The following TRANK1 variants were observed in gnomAD, a reference collection of about 807,000 sequenced individuals.
TRANK1 encodes tetratricopeptide repeat and ankyrin repeat containing 1.
A neutral mutation model predicts 266.0 loss-of-function variants in TRANK1; 198 were observed. The observed-to-expected ratio is 0.74, with a 90% CI of 0.66 to 0.84. TRANK1 has a LOEUF of 0.84. Ranked by LOEUF, TRANK1 falls within the 40% of genes least tolerant of loss-of-function variation. The probability of loss-of-function intolerance (pLI) is 0.00; values close to 1 mark genes in which losing one functional copy is unlikely to be tolerated. For synonymous variants in TRANK1, 1,396 were observed against 1,384.1 expected (o/e 1.01, Z -0.19); for missense variants, 3,326 against 3,634.6 (o/e 0.92, Z 2.18).
At chr3:36,897,024 G>A (rs1456132462) in intron 4 of TRANK1, among the ~76,000 whole-genome samples, 2 of 151,836 alleles carry the variant, frequency 1.3e-5, no homozygotes, top group African/African-American at 2.4e-5. Context: ...CAGAGAAACC[G>A]GGGGCAGTGG....
At chr3:36,930,530 G>A (rs1035213637) in intron 1 of TRANK1, among the ~76,000 whole-genome samples, 2 of 152,136 alleles carry the variant, frequency 1.3e-5, no homozygotes, top group South Asian at 4.1e-4. Context: ...CATTCATTAT[G>A]GCAGCAATAG....
At chr3:36,879,160 A>C (rs1020260050) in intron 8 of TRANK1, among the ~76,000 whole-genome samples, 2 of 152,052 alleles carry the variant, frequency 1.3e-5, no homozygotes, top group African/African-American at 2.4e-5. Context: ...TGTTTAAAAA[A>C]AAAAAGAAAG....
At chr3:36,880,508 G>A (rs1308895486) in intron 8 of TRANK1, 1 of 177,764 alleles carries the variant, frequency 5.6e-6, no homozygotes, top group African/African-American at 2.4e-5. Flanking sequence ...ATTAACTCTG[G>A]AGAATCTAAA....
chr3:36,928,719 T>C (rs1302403043), intron 1 of TRANK1, among the ~76,000 whole-genome samples: 1 of 152,228 alleles, frequency 6.6e-6, no homozygotes, highest in South Asian at 2.1e-4. Flanking sequence ...GGAGCATTTT[T>C]TAAAAGCTCC....
chr3:36,856,020 G>A lies in TRANK1; in HGVS notation c.3702C>T (p.Asp1234=). ...PLDPNIHKLQ[D]LRDENFPLFV... is the part of the protein sequence containing the mutation. The stretch of plus-strand genomic sequence containing the variant: ...ACAGAGGAAAGTTCTCGTCCCTCAG[G>A]TCCTGGAGTTTGTGAATGTTGGGGT... The change falls in exon 13 of 24, where the codon GAC becomes GAT. Residue 1234 remains aspartate (D), a synonymous_variant. Coordinates refer to ENST00000645898, the MANE Select transcript of TRANK1 (RefSeq NM_001329998.2). 6.2e-7 allele frequency: 1 copy of A among 1,613,750 alleles called. No individual in the cohort carries two copies. The highest frequency in any genetic ancestry group is 1.1e-5 in the South Asian group (1 of 91,076).
intron 1 of TRANK1, among the ~76,000 whole-genome samples, chr3:36,921,092 C>CG (rs2080206867): frequency 6.6e-6 from 1 of 152,178 alleles, no homozygotes; most frequent in African/African-American, 2.4e-5. Flanking sequence ...ACCTGAGTCA[C>CG]CCCCGGTCCC....
chr3:36,937,593 A>G (rs1399413471), intron 1 of TRANK1, among the ~76,000 whole-genome samples: 1 of 152,242 alleles, frequency 6.6e-6, no homozygotes, highest in Non-Finnish European at 1.5e-5. Context: ...AACTAAAATC[A>G]AATTCCTGCA....
intron 1 of TRANK1, among the ~76,000 whole-genome samples, chr3:36,939,168 C>CT (rs1016705390): frequency 1.3e-5 from 2 of 150,978 alleles, no homozygotes; most frequent in African/African-American, 4.9e-5. Context: ...TAACACAGAG[C>CT]TGTGTGTATA....
chr3:36,923,664 A>G (rs995117502), intron 1 of TRANK1, among the ~76,000 whole-genome samples: 1 of 151,856 alleles, frequency 6.6e-6, no homozygotes, highest in African/African-American at 2.4e-5. Flanking sequence ...CCTCACAGGA[A>G]ACTCTCTCCC....
chr3:36,933,092 T>C (rs747577548), intron 1 of TRANK1, among the ~76,000 whole-genome samples: 1 of 152,234 alleles, frequency 6.6e-6, no homozygotes, highest in East Asian at 1.9e-4. Context: ...TTATCAGTAC[T>C]AGCTCACATT....
At chr3:36,828,937 G>C (rs1324290888) in intron 23 of TRANK1, among the ~76,000 whole-genome samples, 1 of 152,136 alleles carries the variant, frequency 6.6e-6, no homozygotes, top group Non-Finnish European at 1.5e-5. Flanking sequence ...GGGCATCTGC[G>C]GTTGATGAAA....
Position 36,857,635 on chromosome 3 carries a change from G to A in TRANK1, c.2087C>T (p.Thr696Ile), listed in dbSNP as rs1344237527. The A allele has an allele frequency of 6.2e-7, 1 of 1,613,914 alleles. No homozygotes were observed. Among genetic ancestry groups the A allele is most frequent in the Non-Finnish European group, 8.5e-7 (1 of 1,179,894 alleles). Residue 696 changes from threonine to isoleucine, a missense_variant, in exon 13 of 24, where the codon ACA (threonine) becomes ATA (isoleucine). Physicochemically the swap from Thr to Ile is moderately conservative, Grantham distance 89. Transcript: ENST00000645898. This position sits in a 1 kb window ranked among gnomAD's most constrained non-coding sequence, Gnocchi z 4.3. ...AGGGACTGCACTTCCTTCAGGCAGT[G>A]TTCTGGCAGTGGCACCACATGGCAC... ...KSVPCGATAR[T>I]LPEGSAVPDS... is the part of the protein sequence containing the mutation.
At chr3:36,864,545 T>C in intron 9 of TRANK1, 65 bp from the exon 10 acceptor site, 3 of 1,425,678 alleles carry the variant, frequency 2.1e-6, no homozygotes, top group East Asian at 2.6e-5. Flanking sequence ...ATTGCAAAAA[T>C]AACCACAATT....
chr3:36,841,307 A>G (rs961761957), intron 18 of TRANK1, among the ~76,000 whole-genome samples: 3 of 152,264 alleles, frequency 2.0e-5, no homozygotes, highest in African/African-American at 7.2e-5. Flanking sequence ...GCCTCCTAAC[A>G]TGAACACTGA....
intron 1 of TRANK1, among the ~76,000 whole-genome samples, chr3:36,938,954 C>T (rs910819910): frequency 1.3e-5 from 2 of 149,868 alleles, no homozygotes; most frequent in African/African-American, 2.5e-5. Flanking sequence ...AGCGAGAATC[C>T]GTCTCAAAAA....
intron 21 of TRANK1, among the ~76,000 whole-genome samples, chr3:36,834,165 T>G (rs1490385585): frequency 6.6e-6 from 1 of 152,238 alleles, no homozygotes; most frequent in East Asian, 1.9e-4. Context: ...TAATGAAATA[T>G]AGTGGAGGTG....
intron 18 of TRANK1, among the ~76,000 whole-genome samples, chr3:36,840,205 C>G (rs1239340422): frequency 1.3e-5 from 2 of 151,758 alleles, no homozygotes; most frequent in Non-Finnish European, 1.5e-5. Context: ...CCCTCCCTTC[C>G]CTCCCTAACA....
At chr3:36,939,260 TACAC>T (rs10623771) in intron 1 of TRANK1, among the ~76,000 whole-genome samples, 3,432 of 139,818 alleles carry the variant, frequency 0.025, 49 homozygotes, top group African/African-American at 0.027. Context: ...CATTCTAACA[TACAC>T]ACACACACAC....
Position 36,855,241 on chromosome 3 carries a change from T to C in TRANK1, c.4481A>G (p.Asp1494Gly). 1 of 1,614,028 alleles carries C rather than the reference T, an allele frequency of 6.2e-7. No homozygotes were observed. The highest frequency in any genetic ancestry group is 8.5e-7 in the Non-Finnish European group (1 of 1,179,894). Reference protein sequence around the residue: ...LFHYASRNTIDKQCAVRKPKK... With the variant: ...LFHYASRNTIGKQCAVRKPKK... ...GGGCTTCCGGACAGCACACTGCTTG[T>C]CTATGGTGTTTCTGCTGGCATAATG... Residue 1494 changes from aspartate (D) to glycine (G), a missense_variant, in exon 13 of 24, where the codon GAC becomes GGC. Physicochemically the swap from Asp to Gly is moderately conservative, Grantham distance 94 (BLOSUM62 -1). Coordinates refer to ENST00000645898, the MANE Select transcript of TRANK1 (RefSeq NM_001329998.2).
Sources: gnomAD v4.1 joint callset for allele counts (sites outside exome capture counted in the v4.1 genomes callset) on GRCh38, gnomAD v4.1.1 for gene constraint, Gnocchi (gnomAD v3.1) non-coding constraint, MANE v1.5 for transcripts, NCBI Gene and HGNC (gene_info 2026-07-23, HGNC 2026-07-21) for gene names.